Variants in FSTL4 observed in about 807,000 individuals in gnomAD.
The protein encoded by FSTL4 is follistatin like 4, also known as follistatin-related protein 4.
Under a neutral mutation model 78.2 loss-of-function variants are expected in FSTL4, and 28 were observed. The observed-to-expected ratio is 0.36, with a 90% CI of 0.27 to 0.49. The LOEUF is 0.49. Among genes scored for constraint, FSTL4 ranks in the 20% least tolerant of loss-of-function variants. FSTL4 has a pLI of 0.98. For missense variants in FSTL4, 922 were observed against 1,084.9 expected (o/e 0.85, Z 2.11); for synonymous variants, 422 against 440.5 (o/e 0.96, Z 0.53).
intron 3 of FSTL4, among the ~76,000 whole-genome samples, chr5:133,519,103 G>A (rs899237260): frequency 7.2e-5 from 11 of 152,174 alleles, no homozygotes; most frequent in Non-Finnish European, 1.6e-4. Flanking sequence ...GTCAGGCAGA[G>A]TACAAGGTGC....
chr5:133,729,725 GAGA>G, the FSTL4 span, among the ~76,000 whole-genome samples: 26 of 152,224 alleles, frequency 1.7e-4, no homozygotes, highest in African/African-American at 6.3e-4. Flanking sequence ...TGAGGGAGAA[GAGA>G]AGAAGAAAAA....
At chr5:133,613,731 G>A (rs982937922), upstream of FSTL4, among the ~76,000 whole-genome samples, 8 of 152,208 alleles carry the variant, frequency 5.3e-5, no homozygotes, top group African/African-American at 4.8e-5. Context: ...GTAATGCAGA[G>A]CCAATCGTAT....
At chr5:133,547,449 G>A (rs1317118732) in intron 3 of FSTL4, among the ~76,000 whole-genome samples, 1 of 152,162 alleles carries the variant, frequency 6.6e-6, no homozygotes, top group Non-Finnish European at 1.5e-5. Flanking sequence ...ATTCTGGGGG[G>A]CAGGTGTGAA....
the FSTL4 span, among the ~76,000 whole-genome samples, chr5:133,776,630 G>A: frequency 6.6e-6 from 1 of 152,148 alleles, no homozygotes; most frequent in East Asian, 1.9e-4. Flanking sequence ...CTAGAGGAAG[G>A]ATAGGTACAG....
At chr5:133,315,558 A>G (rs930056) in intron 5 of FSTL4, among the ~76,000 whole-genome samples, 112,157 of 152,016 alleles carry the variant, frequency 0.74, 41,934 homozygotes, top group African/African-American at 0.82. Flanking sequence ...CAAAGGTGGG[A>G]ACCTGTCTTT....
intron 6 of FSTL4, among the ~76,000 whole-genome samples, chr5:133,264,191 A>C (rs565947759): frequency 2.6e-5 from 4 of 152,370 alleles, no homozygotes; most frequent in African/African-American, 7.2e-5. Context: ...AATGGCTCCA[A>C]ATACCAATAG....
Position 133,415,121 on chromosome 5 carries a change from T to C in FSTL4, c.161-14135A>G, listed in dbSNP as rs188829864. 1.2e-4 allele frequency among the ~76,000 whole-genome samples: 19 copies of C among 152,328 alleles called. 1 individual carries two copies. The East Asian group carries it at 3.7e-3, about 29-fold the overall frequency. ...TTTGAGCCACTTCTGATAGAAGAAA[T>C]CAAAAGACTGAGTTGAGTTTGAAGT... On this transcript the variant is annotated intron_variant, in intron 3 of 15. Transcript: ENST00000265342.
At chr5:133,556,462 A>T (rs1759788772) in intron 3 of FSTL4, among the ~76,000 whole-genome samples, 1 of 152,170 alleles carries the variant, frequency 6.6e-6, no homozygotes, top group Admixed American at 6.5e-5. Context: ...GCGGTGGCTC[A>T]TACCTGTAAT....
At chr5:133,288,402 C>T (rs753232370) in intron 6 of FSTL4, among the ~76,000 whole-genome samples, 32 of 152,236 alleles carry the variant, frequency 2.1e-4, no homozygotes, top group Non-Finnish European at 3.4e-4. Flanking sequence ...GCCTGCCCCT[C>T]CCAGGCCTGT....
chr5:133,474,221 C>T (rs1225390787), intron 3 of FSTL4, among the ~76,000 whole-genome samples: 1 of 152,122 alleles, frequency 6.6e-6, no homozygotes, highest in African/African-American at 2.4e-5. Context: ...ATGGGACATT[C>T]ACACAATCCC....
At chr5:133,489,266 G>A (rs1758207803) in intron 3 of FSTL4, among the ~76,000 whole-genome samples, 1 of 152,216 alleles carries the variant, frequency 6.6e-6, no homozygotes, top group Non-Finnish European at 1.5e-5. Flanking sequence ...GTTCAGAGAT[G>A]TTCATTGCAC....
intron 7 of FSTL4, among the ~76,000 whole-genome samples, chr5:133,235,675 G>A (rs1310849929): frequency 6.6e-6 from 1 of 152,044 alleles, no homozygotes; most frequent in Non-Finnish European, 1.5e-5. Context: ...GAAGTAAAAT[G>A]TTGCAGAGGG....
At position 133,343,503 on chromosome 5, in the gene FSTL4, C is replaced by A. The variant is rs973472394; in HGVS notation, c.410-26851G>T. ...AAAACACTGCGGCATCCTTCTGAACCCTGGGGCTTGAGAATCTTAGGTCTT... is the reference window on the plus strand; with the variant it reads ...AAAACACTGCGGCATCCTTCTGAACACTGGGGCTTGAGAATCTTAGGTCTT... On this transcript the variant is annotated intron_variant, in intron 4 of 15. Transcript: ENST00000265342. 3.9e-5 allele frequency among the ~76,000 whole-genome samples: 6 copies of A among 152,174 alleles called. No homozygotes were observed. The East Asian group carries it at 7.7e-4, about 20-fold the overall frequency.
intron 3 of FSTL4, among the ~76,000 whole-genome samples, chr5:133,517,447 A>AAAAAAAAAATATATATATATATATATAT (rs1554068019): frequency 1.2e-4 from 2 of 16,396 alleles, no homozygotes; most frequent in African/African-American, 2.8e-4. Flanking sequence ...AAAAAAAAAA[A>AAAAAAAAAATATATATATATATATATAT]ATATATATAT....
At chr5:133,752,881 T>C in the FSTL4 span, among the ~76,000 whole-genome samples, 1 of 152,166 alleles carries the variant, frequency 6.6e-6, no homozygotes, top group African/African-American at 2.4e-5. Flanking sequence ...TGAGGTCAAG[T>C]TGCAGTTATT....
chr5:133,655,184 C>G, the FSTL4 span, among the ~76,000 whole-genome samples: 1 of 152,208 alleles, frequency 6.6e-6, no homozygotes, highest in Non-Finnish European at 1.5e-5. Context: ...GTTCTTCCTT[C>G]TTTTCACCTT....
the FSTL4 span, among the ~76,000 whole-genome samples, chr5:133,662,581 T>C: frequency 1.8e-3 from 274 of 152,354 alleles, 1 homozygote; most frequent in Middle Eastern, 0.01. Context: ...TTACCCTTGA[T>C]TTTTATTCCT....
At chr5:133,328,078 AG>A (rs1754258029) in intron 4 of FSTL4, among the ~76,000 whole-genome samples, 1 of 152,278 alleles carries the variant, frequency 6.6e-6, no homozygotes, top group Non-Finnish European at 1.5e-5. Flanking sequence ...AACCACAAAC[AG>A]AATCTGCATG....
chr5:133,215,177 T>C (rs1750866740), intron 13 of FSTL4, among the ~76,000 whole-genome samples: 1 of 152,138 alleles, frequency 6.6e-6, no homozygotes, highest in Non-Finnish European at 1.5e-5. Flanking sequence ...GCTTCAAGAA[T>C]ATCTCTCTTT....
Sources: gnomAD v4.1 joint callset for allele counts (sites outside exome capture counted in the v4.1 genomes callset) on GRCh38, gnomAD v4.1.1 for gene constraint, MANE v1.5 for transcripts, NCBI Gene and HGNC (gene_info 2026-07-23, HGNC 2026-07-21) for gene names.